ATP8B1: variants seen among roughly 807,000 people sequenced by gnomAD.
ATP8B1 encodes phospholipid-transporting ATPase IC.
Under a neutral mutation model 149.9 loss-of-function variants are expected in ATP8B1, and 80 were observed. That is an observed-to-expected ratio of 0.53 (90% confidence interval 0.45 to 0.64). ATP8B1 has a LOEUF of 0.64. Among genes scored for constraint, ATP8B1 ranks in the 30% least tolerant of loss-of-function variants. The pLI is 0.00. For missense variants in ATP8B1, 1,247 were observed against 1,552.6 expected (o/e 0.80, Z 3.31); for synonymous variants, 536 against 562.8 (o/e 0.95, Z 0.67).
intron 1 of ATP8B1, among the ~76,000 whole-genome samples, chr18:57,742,317 T>C (rs952226608): frequency 3.9e-5 from 6 of 152,174 alleles, no homozygotes; most frequent in East Asian, 3.9e-4. Flanking sequence ...GTAATTACAG[T>C]TCCCAGCAGG....
At chr18:57,713,247 CTTTCTTTCTTTCTT>C (rs1913815063) in intron 2 of ATP8B1, among the ~76,000 whole-genome samples, 1 of 130,486 alleles carries the variant, frequency 7.7e-6, no homozygotes, top group African/African-American at 2.9e-5. Flanking sequence ...TTCCTTCTTT[CTTTCTTTCTTTCTT>C]TCTCTTTCTT....
At chr18:57,734,974 A>C (rs916604076) in intron 1 of ATP8B1, among the ~76,000 whole-genome samples, 1 of 152,214 alleles carries the variant, frequency 6.6e-6, no homozygotes, top group African/African-American at 2.4e-5. Flanking sequence ...AGGCAAAAAC[A>C]GGAGGTAAAG....
chr18:57,700,944 T>C, intron 6 of ATP8B1, 95 bp downstream of exon 6: 2 of 1,283,266 alleles, frequency 1.6e-6, no homozygotes, highest in Non-Finnish European at 2.3e-6. Context: ...AATGTACTAA[T>C]AGCCTTCTAC....
Position 57,654,133 on chromosome 18 carries a change from A to G in ATP8B1, c.2932-58T>C, listed in dbSNP as rs976135141. On this transcript the variant is annotated intron_variant, in intron 23 of 27. Transcript: ENST00000648908. ...AACAAAGACACATGCCAGCCTAGTT[A>G]GCACATACTCATCTGCTTCCTTTAT... 2.9e-6 allele frequency: 4 copies of G among 1,374,724 alleles called. No homozygotes were observed. The African/African-American group carries it at 5.7e-5, about 20-fold the overall frequency. 85.2% of individuals were successfully genotyped at this position (1,374,724 alleles called of 1,614,324 possible). A position where few individuals can be genotyped will look rare whatever the true frequency, so the allele number is the denominator to read the frequency against.
intron 4 of ATP8B1, among the ~76,000 whole-genome samples, chr18:57,702,301 C>T (rs376987410): frequency 6.6e-6 from 1 of 152,218 alleles, no homozygotes; most frequent in African/African-American, 2.4e-5. Context: ...TCCTCCTGAT[C>T]ACTGGGCTGT....
At chr18:57,719,727 G>C (rs1451523801) in intron 2 of ATP8B1, among the ~76,000 whole-genome samples, 1 of 152,228 alleles carries the variant, frequency 6.6e-6, no homozygotes, top group Non-Finnish European at 1.5e-5. Context: ...AAACAAAGCA[G>C]CCGGGAAGCT....
intron 1 of ATP8B1, among the ~76,000 whole-genome samples, chr18:57,792,479 T>C (rs1053707573): frequency 2.0e-5 from 3 of 151,748 alleles, no homozygotes; most frequent in Non-Finnish European, 4.4e-5. Flanking sequence ...ATGCTAAGTG[T>C]AAAAAGATGA....
At chr18:57,677,657 T>TA (rs1199395994) in intron 15 of ATP8B1, among the ~76,000 whole-genome samples, 1 of 152,210 alleles carries the variant, frequency 6.6e-6, no homozygotes, top group Non-Finnish European at 1.5e-5. Flanking sequence ...CTCTCTGTAT[T>TA]TGTTCACTCA....
chr18:57,660,938 T>C lies in ATP8B1; in HGVS notation c.2707+236A>G, dbSNP rs551219653. Reference sequence around the variant, plus strand: ...ATAAATTTCCCCCCATAGACCTTATTTTCCTCTTCGCATCCTTCAGAAGCC... The same window carrying C: ...ATAAATTTCCCCCCATAGACCTTATCTTCCTCTTCGCATCCTTCAGAAGCC... On this transcript the variant is annotated intron_variant, in intron 22 of 27. Coordinates refer to ENST00000648908, the MANE Select transcript of ATP8B1 (RefSeq NM_001374385.1). Among the ~76,000 whole-genome samples, 6 of 152,284 alleles carry C rather than the reference T, an allele frequency of 3.9e-5. No individual in the cohort carries two copies. In the South Asian group the frequency reaches 1.2e-3, roughly 32 times the overall value.
chr18:57,668,728 C>T (rs317843), intron 18 of ATP8B1, 188 bp from the exon 19 acceptor site: 1 of 534,388 alleles, frequency 1.9e-6, no homozygotes, highest in South Asian at 2.7e-5. Flanking sequence ...AACCAACACA[C>T]CTAAAAACTT....
chr18:57,707,419 G>A (rs981598174), intron 2 of ATP8B1, among the ~76,000 whole-genome samples: 3 of 148,496 alleles, frequency 2.0e-5, no homozygotes, highest in Non-Finnish European at 3.0e-5. Context: ...AGAGAACTAG[G>A]TGTTGATGAA....
intron 8 of ATP8B1, among the ~76,000 whole-genome samples, chr18:57,697,191 G>T (rs962722208): frequency 2.0e-5 from 3 of 152,110 alleles, no homozygotes; most frequent in Non-Finnish European, 4.4e-5. Context: ...AACCCAGGGG[G>T]TGTGGAGGTT....
At position 57,776,609 on chromosome 18, in the gene ATP8B1, A is replaced by AT. The variant is rs537494808; in HGVS notation, c.-26+26388dup. On this transcript the variant is annotated intron_variant, in intron 1 of 27. Transcript: ENST00000648908. ...CAGCAAGCCCTTTTCTTTCCTCCTC[A>AT]TATCTGTTCTCAGGACTCATTTCCT... 1.0e-3 allele frequency among the ~76,000 whole-genome samples: 152 copies of AT among 152,064 alleles called. 1 individual carries two copies. Among genetic ancestry groups the AT allele is most frequent in the Non-Finnish European group, 1.6e-3 (108 of 67,996 alleles).
intron 25 of ATP8B1, 23 bp from the exon 26 acceptor site, chr18:57,652,195 C>T (rs1434750878): frequency 6.2e-7 from 1 of 1,613,672 alleles, no homozygotes; most frequent in Non-Finnish European, 8.5e-7. Flanking sequence ...CAGAGAAAAA[C>T]AGAGCACTCA....
intron 2 of ATP8B1, among the ~76,000 whole-genome samples, chr18:57,719,303 G>C (rs1185739967): frequency 6.6e-6 from 1 of 152,248 alleles, no homozygotes; most frequent in Non-Finnish European, 1.5e-5. Flanking sequence ...CTCCCAGCGT[G>C]AGAGACACAG....
intron 20 of ATP8B1, among the ~76,000 whole-genome samples, chr18:57,665,932 C>G (rs952968447): frequency 6.7e-6 from 1 of 150,088 alleles, no homozygotes; most frequent in African/African-American, 2.4e-5. Context: ...TAAATCAGTT[C>G]TAAATGGAAC....
intron 24 of ATP8B1, 47 bp downstream of exon 24, chr18:57,653,945 G>T (rs753055594): frequency 3.3e-6 from 5 of 1,513,532 alleles, no homozygotes; most frequent in East Asian, 4.5e-5. Flanking sequence ...CTTCTCTAAC[G>T]CATTCTCATC....
At chr18:57,710,510 C>G (rs1913636206) in intron 2 of ATP8B1, among the ~76,000 whole-genome samples, 1 of 151,978 alleles carries the variant, frequency 6.6e-6, no homozygotes, top group African/African-American at 2.4e-5. Context: ...CCACCAACAA[C>G]CAAGAAGCTG....
intron 2 of ATP8B1, among the ~76,000 whole-genome samples, chr18:57,723,099 C>G (rs2079664689): frequency 6.6e-6 from 1 of 151,312 alleles, no homozygotes; most frequent in Non-Finnish European, 1.5e-5. Context: ...GGACGTATTT[C>G]AAAATAATAA....
Sources: allele counts gnomAD v4.1 joint callset (sites outside exome capture counted in the v4.1 genomes callset), GRCh38; gene constraint gnomAD v4.1.1; transcripts MANE v1.5; gene names NCBI Gene and HGNC (gene_info 2026-07-23, HGNC 2026-07-21).